The following ELAC1 variants were observed in gnomAD, a reference collection of about 807,000 sequenced individuals.
ELAC1 encodes the protein zinc phosphodiesterase ELAC protein 1.
Under a neutral mutation model 25.8 loss-of-function variants are expected in ELAC1, and 19 were observed. That is an observed-to-expected ratio of 0.74 (90% CI 0.51 to 1.08). The LOEUF is 1.08. ELAC1 is among the 50% of genes least tolerant of loss of function. The pLI is 0.00. For synonymous variants in ELAC1, 148 were observed against 160.9 expected (o/e 0.92, Z 0.61); for missense variants, 403 against 434.6 (o/e 0.93, Z 0.65).
chr18:50,978,674 G>A (rs1231979410), intron 2 of ELAC1, among the ~76,000 whole-genome samples: 1 of 152,180 alleles, frequency 6.6e-6, no homozygotes, highest in Non-Finnish European at 1.5e-5. Flanking sequence ...GAGAGAGAGA[G>A]AGAATGAGGA....
At chr18:50,979,584 G>A (rs976091836) in intron 2 of ELAC1, among the ~76,000 whole-genome samples, 1 of 152,170 alleles carries the variant, frequency 6.6e-6, no homozygotes, top group African/African-American at 2.4e-5. Flanking sequence ...GCCATATTCT[G>A]CTGGTTAGAA....
chr18:50,983,939 A>G (rs1193547381), intron 2 of ELAC1, among the ~76,000 whole-genome samples, 157 bp from the exon 3 acceptor site: 1 of 152,190 alleles, frequency 6.6e-6, no homozygotes, highest in African/African-American at 2.4e-5. Flanking sequence ...GGAATCATGT[A>G]GCAAAATGTA....
At chr18:50,974,198 A>C (rs1007504158) in intron 1 of ELAC1, among the ~76,000 whole-genome samples, 199 bp from the exon 2 acceptor site, 1 of 152,228 alleles carries the variant, frequency 6.6e-6, no homozygotes, top group African/African-American at 2.4e-5. Context: ...GGGTGTGTGA[A>C]CAATTATACA....
intron 2 of ELAC1, among the ~76,000 whole-genome samples, chr18:50,981,757 A>G (rs1359806866): frequency 1.3e-5 from 2 of 151,292 alleles, no homozygotes; most frequent in Non-Finnish European, 2.9e-5. Flanking sequence ...GCTTTGTTTT[A>G]GAGTGGATAG....
chr18:50,986,953 A>C lies in ELAC1; in HGVS notation c.960A>C (p.Pro320=). The C allele has an allele frequency of 6.2e-7, 1 of 1,614,026 alleles. No individual in the cohort carries two copies. The stretch of plus-strand genomic sequence containing the variant: ...CTCACTTCAGTCAGAGGTACAAACC[A>C]GTTGCCTTGGCCAGAGAAGGAGAAA... ...VLTHFSQRYK[P]VALAREGETD... The change falls in exon 4 of 4, where the codon CCA becomes CCC. Residue 320 remains proline (P), a synonymous_variant. Coordinates refer to ENST00000269466, the MANE Select transcript of ELAC1 (RefSeq NM_018696.3).
chr18:50,986,162 G>A (rs1473933764), intron 3 of ELAC1, among the ~76,000 whole-genome samples: 2 of 151,924 alleles, frequency 1.3e-5, no homozygotes, highest in African/African-American at 4.8e-5. Flanking sequence ...TGGGACTACA[G>A]GTGTGCACCA....
chr18:50,976,617 ATGAGATT>A (rs376144010), intron 2 of ELAC1, among the ~76,000 whole-genome samples: 6 of 152,282 alleles, frequency 3.9e-5, no homozygotes, highest in East Asian at 3.9e-4. Context: ...ACAATTCAAG[ATGAGATT>A]TGGGTGGGAC....
At chr18:50,971,255 C>T (rs1028380698) in intron 1 of ELAC1, among the ~76,000 whole-genome samples, 6 of 152,128 alleles carry the variant, frequency 3.9e-5, no homozygotes, top group East Asian at 1.9e-4. Flanking sequence ...AATTATTCTC[C>T]GAAAGCCTAA....
chr18:50,972,488 T>C (rs927189784), intron 1 of ELAC1, among the ~76,000 whole-genome samples: 1 of 152,138 alleles, frequency 6.6e-6, no homozygotes, highest in Non-Finnish European at 1.5e-5. Flanking sequence ...TGTATGTATG[T>C]ATGTATTTGT....
chr18:50,975,841 G>T (rs1462664677), intron 2 of ELAC1, among the ~76,000 whole-genome samples: 1 of 152,170 alleles, frequency 6.6e-6, no homozygotes, highest in Middle Eastern at 3.2e-3. Context: ...GGAGCACAAA[G>T]GAGGGGGAAG....
chr18:50,983,143 A>G (rs1313912967), intron 2 of ELAC1, among the ~76,000 whole-genome samples: 1 of 72,878 alleles, frequency 1.4e-5, no homozygotes, highest in African/African-American at 5.2e-5. Flanking sequence ...ACACTTGTAT[A>G]TTTTACTTGG....
chr18:50,976,916 G>C (rs925720776), intron 2 of ELAC1, among the ~76,000 whole-genome samples: 2 of 152,180 alleles, frequency 1.3e-5, no homozygotes, highest in Non-Finnish European at 2.9e-5. Flanking sequence ...AAACAAAGGG[G>C]CTATAGGCCC....
chr18:50,974,017 C>T (rs1279728081), intron 1 of ELAC1, among the ~76,000 whole-genome samples: 1 of 152,214 alleles, frequency 6.6e-6, no homozygotes, highest in Non-Finnish European at 1.5e-5. Context: ...AATCGTTTCA[C>T]TGCCTTAAAC....
chr18:50,981,781 A>G (rs562225164), intron 2 of ELAC1, among the ~76,000 whole-genome samples: 3 of 151,774 alleles, frequency 2.0e-5, no homozygotes, highest in Non-Finnish European at 4.4e-5. Context: ...AAGGGCCCAG[A>G]AAGTCAGATA....
rs748594544 is a variant in ELAC1 at position 50,986,767 on chromosome 18, G to A, written c.774G>A (p.Val258=). Residue 258 remains valine, a synonymous_variant, in exon 4 of 4, where the codon GTG becomes GTA. Transcript: ENST00000269466. ...TATTGGGTGACTGCTCTGGGGTTGT[G>A]GGTGATGGAGGAGTAAAACTGTGCT... ...ICILGDCSGV[V]GDGGVKLCFE... is the part of the protein sequence containing the mutation. The A allele has an allele frequency of 5.0e-6, 8 of 1,614,158 alleles. No homozygotes were observed. The South Asian group carries it at 7.7e-5, about 16-fold the overall frequency.
At position 50,984,475 on chromosome 18, in the gene ELAC1, C is replaced by T. The variant is rs1908047401; in HGVS notation, c.537C>T (p.Arg179=). The T allele has an allele frequency of 6.2e-7, 1 of 1,614,186 alleles. No homozygotes were observed. The highest frequency in any genetic ancestry group is 8.5e-7 in the Non-Finnish European group (1 of 1,180,016). The change falls in exon 3 of 4, where the codon CGC becomes CGT. Residue 179 remains arginine (R), a synonymous_variant. Transcript: ENST00000269466. ...DDEQFVVKAF[R]LFHRIPSFGF... ...AACAATTTGTTGTAAAAGCATTTCGCCTCTTTCACAGAATTCCCTCATTTG... is the reference window on the plus strand; with the variant it reads ...AACAATTTGTTGTAAAAGCATTTCGTCTCTTTCACAGAATTCCCTCATTTG...
chr18:50,986,557 A>G, intron 3 of ELAC1, 62 bp from the exon 4 acceptor site: 1 of 1,298,318 alleles, frequency 7.7e-7, no homozygotes, highest in Non-Finnish European at 1.1e-6. Context: ...CTGTTAAAAT[A>G]GACTCTTGAA....
Position 50,988,121 on chromosome 18 carries a change from A to G in ELAC1, c.*1036A>G, listed in dbSNP as rs1194304476. The G allele has an allele frequency of 4.6e-5, 7 of 152,186 alleles. No homozygotes were observed. Among genetic ancestry groups the G allele is most frequent in the Admixed American group, 6.5e-5 (1 of 15,272 alleles). The allele number at this position is 152,186 out of a possible 1,614,324, so 9.4% of individuals were successfully genotyped here. On this transcript the variant is annotated 3_prime_UTR_variant, in exon 4 of 4. Transcript: ENST00000269466. ...ATTAATAAACGTTATTTGCCCCACA[A>G]TGTTTCTTAAAACATGCTCCATGGA...
At chr18:50,981,988 A>C (rs1907964685) in intron 2 of ELAC1, among the ~76,000 whole-genome samples, 1 of 151,894 alleles carries the variant, frequency 6.6e-6, no homozygotes. Flanking sequence ...CTGGGATTAC[A>C]GGCATGTGCC....
Sources: allele counts gnomAD v4.1 joint callset (sites outside exome capture counted in the v4.1 genomes callset), GRCh38; gene constraint gnomAD v4.1.1; transcripts MANE v1.5; gene names NCBI Gene and HGNC (gene_info 2026-07-23, HGNC 2026-07-21).